Variants in SLC23A2 observed in about 807,000 individuals in gnomAD.
SLC23A2 encodes Na(+)/L-ascorbic acid transporter 2.
In SLC23A2, 36 loss-of-function variants were observed where a neutral mutation model predicts 73.3. The observed-to-expected ratio is 0.49, with a 90% confidence interval of 0.38 to 0.65. The LOEUF (loss-of-function observed/expected upper bound fraction) is 0.65. SLC23A2 is among the 30% of genes least tolerant of loss of function. The pLI is 0.00. For synonymous variants in SLC23A2, 343 were observed against 327.3 expected, an observed-to-expected ratio of 1.05 and a Z score of -0.52; for missense variants, 507 against 841.6, an observed-to-expected ratio of 0.60 and a Z score of 4.92.
intron 6 of SLC23A2, among the ~76,000 whole-genome samples, chr20:4,890,874 C>T (rs1461998853): frequency 6.6e-6 from 1 of 152,168 alleles, no homozygotes; most frequent in Non-Finnish European, 1.5e-5. Context: ...TGCTGCATAT[C>T]TATTGCCCCT....
intron 7 of SLC23A2, 112 bp downstream of exon 7, chr20:4,885,702 GTGTGCTT>G: frequency 1.4e-6 from 1 of 728,002 alleles, no homozygotes; most frequent in Non-Finnish European, 2.5e-6. Context: ...TTGTGGGTTT[GTGTGCTT>G]TGTCCCTAAT....
In SLC23A2 at chr20:4,890,390, T is replaced by C. The variant is rs1370684107; in HGVS notation, c.483-4481A>G. ...AAGCAAGGCCAGGCGTGGTGGCTCA[T>C]GCCTGTAATCCCAGTACTTCGGGAG... On this transcript the variant is annotated intron_variant, in intron 6 of 16. Transcript: ENST00000338244. Among the ~76,000 whole-genome samples, 4 of 152,306 alleles carry C rather than the reference T, an allele frequency of 2.6e-5. No homozygotes were observed. In the East Asian group the frequency reaches 5.8e-4, roughly 22 times the overall value.
upstream of SLC23A2, among the ~76,000 whole-genome samples, chr20:5,004,604 G>A (rs138160663): frequency 2.0e-3 from 308 of 152,238 alleles, 2 homozygotes; most frequent in African/African-American, 7.0e-3. Flanking sequence ...CCAGCATTTT[G>A]GGAGACCAAG....
chr20:4,926,346 G>A (rs901040549), intron 3 of SLC23A2, among the ~76,000 whole-genome samples: 1 of 152,162 alleles, frequency 6.6e-6, no homozygotes, highest in African/African-American at 2.4e-5. Flanking sequence ...GTGTGTCACA[G>A]CCGTGCCTGT....
intron 2 of SLC23A2, among the ~76,000 whole-genome samples, chr20:4,960,349 A>G (rs1387733863): frequency 6.6e-6 from 1 of 152,206 alleles, no homozygotes; most frequent in South Asian, 2.1e-4. Context: ...AACCACTGCT[A>G]ATATTTAGTT....
intron 2 of SLC23A2, among the ~76,000 whole-genome samples, chr20:4,937,179 T>G (rs2090998992): frequency 6.6e-6 from 1 of 151,870 alleles, no homozygotes; most frequent in South Asian, 2.1e-4. Flanking sequence ...GAGCGTGGTG[T>G]GTATAAATGC....
At position 4,857,776 on chromosome 20, in the gene SLC23A2, C is replaced by T. The variant is rs1600068837; in HGVS notation, c.1721-572G>A. Among the ~76,000 whole-genome samples, 1 of 152,034 alleles carries T rather than the reference C, an allele frequency of 6.6e-6. No individual in the cohort carries two copies. Among genetic ancestry groups the T allele is most frequent in the Non-Finnish European group, 1.5e-5 (1 of 68,008 alleles). Reference sequence around the variant, plus strand: ...TGAAATCCCGTCCCCACTCAAAATACAAAAATTAGCTGGGCGTGGTGGTGC... The same window carrying T: ...TGAAATCCCGTCCCCACTCAAAATATAAAAATTAGCTGGGCGTGGTGGTGC... On this transcript the variant is annotated intron_variant, in intron 16 of 16. Transcript: ENST00000338244. The surrounding 1 kb of genome is among the most constrained non-coding windows in gnomAD (Gnocchi z 4.0).
At chr20:4,942,998 G>A (rs781216203) in intron 2 of SLC23A2, among the ~76,000 whole-genome samples, 3 of 152,004 alleles carry the variant, frequency 2.0e-5, no homozygotes, top group Non-Finnish European at 4.4e-5. Context: ...AAGATTGCTT[G>A]AGGCCAAGAG....
chr20:4,935,048 G>A (rs1236430547), intron 2 of SLC23A2, among the ~76,000 whole-genome samples: 6 of 151,708 alleles, frequency 4.0e-5, no homozygotes, highest in Non-Finnish European at 5.9e-5. Context: ...TTAGCTGGGC[G>A]TGGTGGCGGG....
intron 4 of SLC23A2, among the ~76,000 whole-genome samples, chr20:4,904,206 AAGTTAGCCACATAGGC>A (rs1931855076): frequency 6.6e-6 from 1 of 152,172 alleles, no homozygotes; most frequent in South Asian, 2.1e-4. Context: ...TGAGTAATTA[AAGTTAGCCACATAGGC>A]AGTCAGCCAT....
intron 4 of SLC23A2, among the ~76,000 whole-genome samples, chr20:4,909,055 T>C (rs1932055205): frequency 6.6e-6 from 1 of 152,136 alleles, no homozygotes; most frequent in Non-Finnish European, 1.5e-5. Context: ...TCAAAAATAA[T>C]AATATGCCTA....
intron 2 of SLC23A2, among the ~76,000 whole-genome samples, chr20:4,935,667 C>T (rs1418208155): frequency 3.3e-5 from 5 of 151,888 alleles, no homozygotes; most frequent in South Asian, 2.1e-4. Flanking sequence ...GGCGTGGTGG[C>T]GGGCGCCTGT....
At chr20:4,974,071 A>C (rs2087606485) in intron 1 of SLC23A2, among the ~76,000 whole-genome samples, 1 of 152,200 alleles carries the variant, frequency 6.6e-6, no homozygotes, top group African/African-American at 2.4e-5. Flanking sequence ...GAAGGAGAGA[A>C]TGCCAGGGCC....
chr20:4,937,836 G>A (rs2086983587), intron 2 of SLC23A2, among the ~76,000 whole-genome samples: 1 of 152,012 alleles, frequency 6.6e-6, no homozygotes, highest in Non-Finnish European at 1.5e-5. Flanking sequence ...TGCCCTCCTT[G>A]TGATTTTTGA....
At position 4,932,559 on chromosome 20, in the gene SLC23A2, T is replaced by C; in HGVS notation, c.4A>G (p.Met2Val). 1 of 1,539,832 alleles carries C rather than the reference T, an allele frequency of 6.5e-7. No individual in the cohort carries two copies. MMGIGKNTTSKS... is the reference protein window; with the variant it reads MVGIGKNTTSKS... The stretch of plus-strand genomic sequence containing the variant: ...GATGTGGTATTCTTACCAATACCCA[T>C]CATTAAGAGAAACGAGTAGTTTACA... Residue 2 changes from methionine to valine, a missense_variant, in exon 3 of 17, where the codon ATG becomes GTG. Physicochemically the swap from Met to Val is conservative, Grantham distance 21. Coordinates refer to ENST00000338244, the MANE Select transcript of SLC23A2 (RefSeq NM_005116.6).
chr20:4,973,056 G>T (rs2087589659), intron 1 of SLC23A2, among the ~76,000 whole-genome samples: 1 of 152,192 alleles, frequency 6.6e-6, no homozygotes, highest in African/African-American at 2.4e-5. Flanking sequence ...ACAGTTCCTT[G>T]AAAAATACAG....
At chr20:4,943,341 T>C (rs1193641871) in intron 2 of SLC23A2, among the ~76,000 whole-genome samples, 1 of 152,118 alleles carries the variant, frequency 6.6e-6, no homozygotes, top group African/African-American at 2.4e-5. Context: ...GTGGCTCATG[T>C]GCTTAAGACT....
intron 4 of SLC23A2, among the ~76,000 whole-genome samples, chr20:4,912,284 T>C (rs1057203158): frequency 6.6e-6 from 1 of 152,000 alleles, no homozygotes; most frequent in African/African-American, 2.4e-5. Context: ...AGTGTGCCAT[T>C]TCCATTGGCA....
In SLC23A2 at chr20:4,947,009, G is replaced by A. The variant is rs535833270; in HGVS notation, c.-154-14293C>T. Among the ~76,000 whole-genome samples the A allele has an allele frequency of 2.0e-5, 3 of 152,164 alleles. No homozygotes were observed. Among genetic ancestry groups the A allele is most frequent in the East Asian group, 1.9e-4 (1 of 5,184 alleles). On this transcript the variant is annotated intron_variant, in intron 2 of 16. Coordinates refer to ENST00000338244, the MANE Select transcript of SLC23A2 (RefSeq NM_005116.6). The surrounding 1 kb of genome is among the most constrained non-coding windows in gnomAD (Gnocchi z 4.4). ...TTATAACAAGACCATCTTAAGCCTC[G>A]TCATCCTGGCCATTTCTCCTCAGTG...
Sources: allele counts gnomAD v4.1 joint callset (sites outside exome capture counted in the v4.1 genomes callset), GRCh38; gene constraint gnomAD v4.1.1; non-coding constraint Gnocchi (gnomAD v3.1); transcripts MANE v1.5; gene names NCBI Gene and HGNC (gene_info 2026-07-23, HGNC 2026-07-21).